The following BTBD1 variants were observed in gnomAD, a reference collection of about 807,000 sequenced individuals.
BTBD1 encodes the protein BTB domain containing 1, also known as BTB/POZ domain-containing protein 1.
BTBD1 carries 34 observed loss-of-function variants against 48.0 expected under a neutral mutation model. That is an observed-to-expected ratio of 0.71 (90% CI 0.54 to 0.94). BTBD1 has a LOEUF of 0.94. Among genes scored for constraint, BTBD1 ranks in the 40% least tolerant of loss-of-function variants. The probability of loss-of-function intolerance (pLI) is 0.00; values close to 1 mark genes in which losing one functional copy is unlikely to be tolerated. For missense variants in BTBD1, 543 were observed against 625.6 expected (o/e 0.87, Z 1.41); for synonymous variants, 261 against 242.1 (o/e 1.08, Z -0.72).
chr15:83,045,874 T>C (rs2032868380), intron 3 of BTBD1, among the ~76,000 whole-genome samples: 1 of 152,022 alleles, frequency 6.6e-6, no homozygotes, highest in Non-Finnish European at 1.5e-5. Flanking sequence ...TAAACTTTAT[T>C]ACTAAAAAAA....
intron 3 of BTBD1, among the ~76,000 whole-genome samples, chr15:83,045,034 A>AG (rs1167449911): frequency 6.6e-6 from 1 of 152,214 alleles, no homozygotes; most frequent in Non-Finnish European, 1.5e-5. Context: ...GAAAATCTCT[A>AG]AAGAACCTAG....
intron 3 of BTBD1, among the ~76,000 whole-genome samples, chr15:83,046,123 T>A (rs1294256194): frequency 6.6e-6 from 1 of 152,044 alleles, no homozygotes; most frequent in Non-Finnish European, 1.5e-5. Flanking sequence ...GGGCTAGGCA[T>A]AATAGTTCAC....
intron 4 of BTBD1, among the ~76,000 whole-genome samples, chr15:83,035,899 A>T (rs2123159): frequency 0.59 from 89,111 of 151,428 alleles, 27,241 homozygotes; most frequent in African/African-American, 0.73. Flanking sequence ...AAGAAAAAAA[A>T]ATATATATAG....
chr15:83,022,247 TCTAA>T (rs1287844359), intron 5 of BTBD1: 4 of 148,028 alleles, frequency 2.7e-5, no homozygotes, highest in African/African-American at 7.5e-5. Context: ...ACAGATGGAG[TCTAA>T]CTAAGTTGCC....
At chr15:83,066,180 T>A (rs1207167356) in intron 1 of BTBD1, among the ~76,000 whole-genome samples, 1 of 151,732 alleles carries the variant, frequency 6.6e-6, no homozygotes, top group Non-Finnish European at 1.5e-5. Context: ...GTGCCTGTAG[T>A]CCCAAATACT....
chr15:83,044,834 C>G, intron 3 of BTBD1: 2 of 949,356 alleles, frequency 2.1e-6, no homozygotes, highest in Non-Finnish European at 3.3e-6. Context: ...GTTCAATGAG[C>G]AAATCTCCAT....
chr15:83,038,227 T>C (rs1186261256), intron 4 of BTBD1, among the ~76,000 whole-genome samples: 1 of 152,174 alleles, frequency 6.6e-6, no homozygotes, highest in African/African-American at 2.4e-5. Flanking sequence ...AAATCATGAA[T>C]GCAATCCCAT....
intron 4 of BTBD1, among the ~76,000 whole-genome samples, chr15:83,038,242 C>A (rs889592857): frequency 6.6e-6 from 1 of 152,106 alleles, no homozygotes; most frequent in Non-Finnish European, 1.5e-5. Flanking sequence ...TCCCATTTAC[C>A]ATGTCCACAC....
chr15:83,043,600 G>A (rs772304007), intron 3 of BTBD1, among the ~76,000 whole-genome samples: 2 of 152,214 alleles, frequency 1.3e-5, no homozygotes, highest in Non-Finnish European at 2.9e-5. Context: ...GAGGGTAGCA[G>A]TGGAAGTGGT....
chr15:83,066,773 C>A lies in BTBD1; in HGVS notation c.379G>T (p.Ala127Ser). The A allele has an allele frequency of 7.0e-7, 1 of 1,422,674 alleles. No homozygotes were observed. The highest frequency in any genetic ancestry group is 3.1e-5 in the East Asian group (1 of 32,762). 88.1% of individuals were successfully genotyped at this position (1,422,674 alleles called of 1,614,324 possible). Residue 127 changes from alanine to serine, a missense_variant, in exon 1 of 8, where the codon GCA becomes TCA. Around this residue, in one of 3 missense-constraint regions of BTBD1, gnomAD observed 70 missense variants for 111.7 expected, o/e 0.63. Coordinates refer to ENST00000261721, the MANE Select transcript of BTBD1 (RefSeq NM_025238.4). ...CACCTCAGCAGCGCCAGGAAGGCTG[C>A]GGGCTCCACGTCCGGCAGCTCGATC... ...AEIELPDVEPAAFLALLRFLY... is the reference protein window; with the variant it reads ...AEIELPDVEPSAFLALLRFLY...
chr15:83,018,052 T>G lies in BTBD1; in HGVS notation c.*15A>C. 6.4e-7 allele frequency: 1 copy of G among 1,570,452 alleles called. No individual in the cohort carries two copies. Among genetic ancestry groups the G allele is most frequent in the Non-Finnish European group, 8.7e-7 (1 of 1,149,476 alleles). ...TGTATGGTATTATTTAGCCAAGATG[T>G]ATTATAATGCTAAATTATGTATAAA... On this transcript the variant is annotated 3_prime_UTR_variant, in exon 8 of 8. Transcript: ENST00000261721.
rs115684450 is a variant in BTBD1 at position 83,030,290 on chromosome 15, C to A, written c.901G>T (p.Val301Leu). ...ACAGTAAAATGAAGAAAGAGGTTTACCACTTCACGATCTGACAAAATTCCA... is the reference window on the plus strand; with the variant it reads ...ACAGTAAAATGAAGAAAGAGGTTTAACACTTCACGATCTGACAAAATTCCA... The part of the protein sequence containing the change: ...QSGILSDREV[V>L]NLFLHFTVNP... Residue 301 changes from valine to leucine, a missense_variant, in exon 5 of 8, where the codon GTA becomes TTA. Physicochemically the swap from Val to Leu is conservative, Grantham distance 32. Transcript: ENST00000261721. 1.2e-5 allele frequency: 19 copies of A among 1,613,982 alleles called. No homozygotes were observed. In the East Asian group the frequency reaches 2.9e-4, roughly 25 times the overall value.
chr15:83,035,550 CAT>C (rs2032609391), intron 4 of BTBD1, among the ~76,000 whole-genome samples: 2 of 151,568 alleles, frequency 1.3e-5, no homozygotes, highest in African/African-American at 2.4e-5. Context: ...TGAAAATACA[CAT>C]ATTAAAAACT....
intron 2 of BTBD1, among the ~76,000 whole-genome samples, chr15:83,050,819 T>A (rs887768240): frequency 1.3e-5 from 2 of 152,090 alleles, no homozygotes; most frequent in Non-Finnish European, 2.9e-5. Context: ...CATGACGGAA[T>A]ATTATACAAC....
At chr15:83,066,197 G>C (rs2033266379) in intron 1 of BTBD1, among the ~76,000 whole-genome samples, 1 of 152,084 alleles carries the variant, frequency 6.6e-6, no homozygotes, top group Admixed American at 6.5e-5. Context: ...TACTCGGGAG[G>C]CTGAGGTCGG....
At chr15:83,033,772 G>A (rs2032569347) in intron 4 of BTBD1, among the ~76,000 whole-genome samples, 1 of 151,758 alleles carries the variant, frequency 6.6e-6, no homozygotes, top group Non-Finnish European at 1.5e-5. Flanking sequence ...GTAAAGACAG[G>A]GTTTCGCCAT....
intron 5 of BTBD1, chr15:83,029,444 C>T (rs1390480598): frequency 2.0e-5 from 3 of 152,070 alleles, no homozygotes; most frequent in African/African-American, 7.2e-5. Flanking sequence ...TTCCCTGCAA[C>T]ATCTATGCAA....
chr15:83,056,933 C>T (rs935566751), intron 1 of BTBD1, among the ~76,000 whole-genome samples: 1 of 152,062 alleles, frequency 6.6e-6, no homozygotes, highest in South Asian at 2.1e-4. Flanking sequence ...TAGGCTCAAG[C>T]TATCCTCCCA....
rs1294083047 is a variant in BTBD1 at position 83,067,177 on chromosome 15, T to C, written c.-26A>G. 2 of 1,391,440 alleles carry C rather than the reference T, an allele frequency of 1.4e-6. No individual in the cohort carries two copies. Among genetic ancestry groups the C allele is most frequent in the Non-Finnish European group, 1.9e-6 (2 of 1,075,624 alleles). 86.2% of individuals were successfully genotyped at this position (1,391,440 alleles called of 1,614,324 possible). A position where few individuals can be genotyped will look rare whatever the true frequency, so the allele number is the denominator to read the frequency against. On this transcript the variant is annotated 5_prime_UTR_variant, in exon 1 of 8. It adds an upstream start codon to the 5' untranslated region. Coordinates refer to ENST00000261721, the MANE Select transcript of BTBD1 (RefSeq NM_025238.4). ...CCTCCAGCTGCGCGGTTGCCCACGT[T>C]ATGGACAAAACTCCGCCGCCATCGC...
Sources: gnomAD v4.1 joint callset for allele counts (sites outside exome capture counted in the v4.1 genomes callset) on GRCh38, gnomAD v4.1.1 for gene constraint, gnomAD v4.1.1 regional missense constraint, MANE v1.5 for transcripts, NCBI Gene and HGNC (gene_info 2026-07-23, HGNC 2026-07-21) for gene names.